EYA4: variants seen among roughly 807,000 people sequenced by gnomAD.
The protein encoded by EYA4 is EYA transcriptional coactivator and phosphatase 4.
In EYA4, 31 loss-of-function variants were observed where a neutral mutation model predicts 87.9. The observed-to-expected ratio is 0.35, with a 90% CI of 0.27 to 0.48. EYA4 has a LOEUF of 0.48. Ranked by LOEUF, EYA4 falls within the 20% of genes least tolerant of loss-of-function variation. EYA4 has a pLI of 0.99. For missense variants in EYA4, 678 were observed against 761.4 expected, an observed-to-expected ratio of 0.89 and a Z score of 1.29; for synonymous variants, 263 against 270.6, an observed-to-expected ratio of 0.97 and a Z score of 0.28.
At chr6:133,358,850 G>C (rs1259300901) in intron 2 of EYA4, among the ~76,000 whole-genome samples, 1 of 152,068 alleles carries the variant, frequency 6.6e-6, no homozygotes, top group Non-Finnish European at 1.5e-5. Flanking sequence ...AAAAACAAGA[G>C]GGCACTATGA....
At chr6:133,469,934 GTTGT>G (rs1397854165) in intron 11 of EYA4, among the ~76,000 whole-genome samples, 3 of 151,934 alleles carry the variant, frequency 2.0e-5, no homozygotes, top group Non-Finnish European at 4.4e-5. Context: ...TTTTGATGGG[GTTGT>G]TTGTTTTCTT....
At position 133,525,062 on chromosome 6, in the gene EYA4, ATAACT is replaced by A. The variant is rs1293390303; in HGVS notation, c.1739-89_1739-85del. On this transcript the variant is annotated intron_variant, in intron 18 of 19. Coordinates refer to ENST00000355286, the MANE Select transcript of EYA4 (RefSeq NM_004100.5). ...TATAGTGTCCAGATTTGGCACTAACATAACTTATGTTGTGATTGGAGATGGCCGAG... is the reference window on the plus strand; with the variant it reads ...TATAGTGTCCAGATTTGGCACTAACATATGTTGTGATTGGAGATGGCCGAG... The A allele has an allele frequency of 3.7e-6, 6 of 1,613,604 alleles. No homozygotes were observed. The highest frequency in any genetic ancestry group is 8.5e-7 in the Non-Finnish European group (1 of 1,179,716).
At chr6:133,340,257 T>C (rs1583004817) in intron 2 of EYA4, among the ~76,000 whole-genome samples, 1 of 152,292 alleles carries the variant, frequency 6.6e-6, no homozygotes, top group East Asian at 1.9e-4. Context: ...CATTTAAAAG[T>C]GAAGCAACGG....
intron 3 of EYA4, among the ~76,000 whole-genome samples, chr6:133,392,793 G>C (rs191935309): frequency 1.3e-5 from 2 of 152,144 alleles, no homozygotes; most frequent in African/African-American, 4.8e-5. Flanking sequence ...ATGAGAAAAT[G>C]CCTGTCTTCG....
intron 1 of EYA4, among the ~76,000 whole-genome samples, chr6:133,272,837 T>C (rs1284788739): frequency 6.6e-6 from 1 of 152,134 alleles, no homozygotes; most frequent in Non-Finnish European, 1.5e-5. Flanking sequence ...AAGTGAATGA[T>C]TAAAGGTCTT....
chr6:133,461,614 T>C (rs183760867), intron 7 of EYA4, among the ~76,000 whole-genome samples: 13 of 152,226 alleles, frequency 8.5e-5, no homozygotes, highest in Admixed American at 7.2e-4. Context: ...TTAACTATAT[T>C]GGGTGTATAT....
chr6:133,484,132 G>C (rs907809100), intron 13 of EYA4, among the ~76,000 whole-genome samples: 3 of 152,160 alleles, frequency 2.0e-5, no homozygotes, highest in African/African-American at 7.2e-5. Flanking sequence ...AAACACAGCT[G>C]TTTAGGCAAT....
intron 2 of EYA4, among the ~76,000 whole-genome samples, chr6:133,293,327 A>G (rs1048531088): frequency 6.6e-6 from 1 of 152,042 alleles, no homozygotes; most frequent in Non-Finnish European, 1.5e-5. Context: ...ACACATAGAG[A>G]TGCATTTTAA....
At chr6:133,343,704 T>C (rs142742048) in intron 2 of EYA4, among the ~76,000 whole-genome samples, 2,230 of 151,910 alleles carry the variant, frequency 0.015, 44 homozygotes, top group African/African-American at 0.05. Flanking sequence ...TTACAAAGTG[T>C]TTACATATTC....
At chr6:133,272,448 CCTT>C (rs1315106219) in intron 1 of EYA4, among the ~76,000 whole-genome samples, 1 of 152,304 alleles carries the variant, frequency 6.6e-6, no homozygotes, top group Middle Eastern at 3.4e-3. Context: ...CTCTGTACGA[CCTT>C]CTTTATGGCC....
intron 14 of EYA4, among the ~76,000 whole-genome samples, chr6:133,508,554 C>A (rs868615281): frequency 3.3e-5 from 5 of 151,956 alleles, no homozygotes; most frequent in East Asian, 1.9e-4. Context: ...GTGCTTATTT[C>A]ATTTGGTTAA....
At chr6:133,259,249 G>A (rs1251454858) in intron 1 of EYA4, among the ~76,000 whole-genome samples, 3 of 152,080 alleles carry the variant, frequency 2.0e-5, no homozygotes, top group Non-Finnish European at 2.9e-5. Flanking sequence ...TACTTAACTT[G>A]AGAGAAAAAG....
intron 2 of EYA4, among the ~76,000 whole-genome samples, chr6:133,329,198 A>G (rs1326602625): frequency 6.6e-6 from 1 of 152,056 alleles, no homozygotes; most frequent in Non-Finnish European, 1.5e-5. Flanking sequence ...AACTTTTTAA[A>G]GTTGTTAAAT....
At chr6:133,291,978 T>C (rs1435679285) in intron 2 of EYA4, among the ~76,000 whole-genome samples, 1 of 152,188 alleles carries the variant, frequency 6.6e-6, no homozygotes, top group African/African-American at 2.4e-5. Context: ...ATATTTTAGA[T>C]TTTGAAAGTC....
chr6:133,409,951 T>A (rs1789062815), intron 3 of EYA4, among the ~76,000 whole-genome samples: 1 of 151,780 alleles, frequency 6.6e-6, no homozygotes, highest in Admixed American at 6.6e-5. Flanking sequence ...ATATATGTCC[T>A]CCCCCCATAT....
chr6:133,467,925 T>C (rs1374239015), intron 10 of EYA4, among the ~76,000 whole-genome samples: 1 of 152,104 alleles, frequency 6.6e-6, no homozygotes, highest in Non-Finnish European at 1.5e-5. Flanking sequence ...CTTTCATTTT[T>C]CTCTGTAACA....
At chr6:133,327,168 C>T (rs542553364) in intron 2 of EYA4, among the ~76,000 whole-genome samples, 5 of 152,120 alleles carry the variant, frequency 3.3e-5, no homozygotes, top group East Asian at 3.9e-4. Context: ...GACAGAGTCT[C>T]GCTTTTTCAC....
intron 2 of EYA4, among the ~76,000 whole-genome samples, chr6:133,333,303 C>G (rs1782122957): frequency 6.6e-6 from 1 of 152,176 alleles, no homozygotes; most frequent in Non-Finnish European, 1.5e-5. Context: ...ACAATTTAAT[C>G]TGTCAGACAC....
At chr6:133,447,041 C>T (rs1319273314) in intron 4 of EYA4, among the ~76,000 whole-genome samples, 1 of 152,118 alleles carries the variant, frequency 6.6e-6, no homozygotes, top group Non-Finnish European at 1.5e-5. Context: ...ATTCCACAAA[C>T]TTTAGAAATT....
Sources: gnomAD v4.1 joint callset for allele counts (sites outside exome capture counted in the v4.1 genomes callset) on GRCh38, gnomAD v4.1.1 for gene constraint, MANE v1.5 for transcripts, NCBI Gene and HGNC (gene_info 2026-07-23, HGNC 2026-07-21) for gene names.